PLCL1: variants seen among roughly 807,000 people sequenced by gnomAD.
PLCL1 encodes phospholipase C like 1 (inactive).
A neutral mutation model predicts 84.4 loss-of-function variants in PLCL1; 41 were observed. The observed-to-expected ratio is 0.49, with a 90% confidence interval of 0.38 to 0.63. The LOEUF is 0.63. Ranked by LOEUF, PLCL1 falls within the 30% of genes least tolerant of loss-of-function variation. PLCL1 has a pLI of 0.00. For synonymous variants in PLCL1, 490 were observed against 488.3 expected (o/e 1.00, Z -0.05); for missense variants, 1,206 against 1,367.8 (o/e 0.88, Z 1.87).
intron 1 of PLCL1, among the ~76,000 whole-genome samples, chr2:197,860,391 C>G (rs1388097003): frequency 6.6e-6 from 1 of 151,978 alleles, no homozygotes; most frequent in Non-Finnish European, 1.5e-5. Flanking sequence ...GGGTATATAC[C>G]TAGTAATGGG....
At chr2:197,811,579 A>G (rs930363004) in intron 1 of PLCL1, among the ~76,000 whole-genome samples, 3 of 152,222 alleles carry the variant, frequency 2.0e-5, no homozygotes, top group African/African-American at 7.2e-5. Flanking sequence ...AATAAAATCT[A>G]TCAAGGCAAA....
intron 5 of PLCL1, among the ~76,000 whole-genome samples, chr2:198,143,947 G>T (rs554405035): frequency 4.6e-5 from 7 of 151,346 alleles, no homozygotes; most frequent in African/African-American, 1.7e-4. Flanking sequence ...TGTCTCCAGG[G>T]TTATCAGGAG....
chr2:197,940,132 G>A (rs866715711), intron 1 of PLCL1, among the ~76,000 whole-genome samples: 2 of 151,978 alleles, frequency 1.3e-5, no homozygotes, highest in Non-Finnish European at 2.9e-5. Context: ...TTTAATAAAT[G>A]CAAGTTATTT....
chr2:197,813,423 C>G (rs780972947), intron 1 of PLCL1, among the ~76,000 whole-genome samples: 4 of 152,104 alleles, frequency 2.6e-5, no homozygotes, highest in Non-Finnish European at 4.4e-5. Flanking sequence ...ATAAAAGATG[C>G]AAAGTCATCT....
chr2:198,008,380 A>T (rs1690782876), intron 1 of PLCL1, among the ~76,000 whole-genome samples: 1 of 151,930 alleles, frequency 6.6e-6, no homozygotes, highest in Admixed American at 6.6e-5. Context: ...TTCTCCTCAG[A>T]CCCTGGAAAT....
chr2:198,085,037 T>C lies in PLCL1; in HGVS notation c.1520T>C (p.Met507Thr), dbSNP rs1252225908. 1 of 1,613,994 alleles carries C rather than the reference T, an allele frequency of 6.2e-7. No individual in the cohort carries two copies. Among genetic ancestry groups the C allele is most frequent in the Admixed American group, 1.7e-5 (1 of 59,990 alleles). The change falls in exon 2 of 6, where the codon ATG (methionine) becomes ACG (threonine). Residue 507 changes from methionine (M) to threonine (T), a missense_variant. Physicochemically the swap from Met to Thr is moderately conservative, Grantham distance 81 (BLOSUM62 -1). Coordinates refer to ENST00000428675, the MANE Select transcript of PLCL1 (RefSeq NM_006226.4). The surrounding 1 kb of genome is among the most constrained non-coding windows in gnomAD (Gnocchi z 5.3). ...LPQQKVMAQQ[M>T]KKVFGNKLYT... Reference sequence around the variant, plus strand: ...CAGCAGAAGGTAATGGCTCAACAGATGAAAAAGGTCTTTGGCAATAAACTC... The same window carrying C: ...CAGCAGAAGGTAATGGCTCAACAGACGAAAAAGGTCTTTGGCAATAAACTC...
At chr2:198,042,782 C>T (rs528734787) in intron 1 of PLCL1, among the ~76,000 whole-genome samples, 1 of 152,260 alleles carries the variant, frequency 6.6e-6, no homozygotes, top group East Asian at 1.9e-4. Flanking sequence ...TGCCTATGAC[C>T]TTGGGCATGG....
At chr2:197,966,770 A>G (rs1026675578) in intron 1 of PLCL1, among the ~76,000 whole-genome samples, 5 of 150,988 alleles carry the variant, frequency 3.3e-5, no homozygotes, top group Admixed American at 2.0e-4. Context: ...TAGTTGTTCA[A>G]TTTGGTGTTC....
intron 1 of PLCL1, among the ~76,000 whole-genome samples, chr2:197,956,340 T>C (rs528031487): frequency 6.6e-6 from 1 of 152,298 alleles, no homozygotes; most frequent in South Asian, 2.1e-4. Context: ...TTTGGGTTGG[T>C]TCCATGTCTT....
intron 1 of PLCL1, among the ~76,000 whole-genome samples, chr2:198,075,183 G>A (rs763868904): frequency 1.3e-5 from 2 of 152,200 alleles, no homozygotes; most frequent in Non-Finnish European, 2.9e-5. Flanking sequence ...CTGTGCAGGG[G>A]TCTCCTGAGG....
chr2:197,885,031 T>A (rs561375449), intron 1 of PLCL1, among the ~76,000 whole-genome samples: 2 of 152,258 alleles, frequency 1.3e-5, no homozygotes, highest in African/African-American at 4.8e-5. Flanking sequence ...CATCTACCCC[T>A]TGTCCCCAGG....
chr2:197,921,826 C>A (rs970211897), intron 1 of PLCL1, among the ~76,000 whole-genome samples: 2 of 152,062 alleles, frequency 1.3e-5, no homozygotes, highest in African/African-American at 2.4e-5. Context: ...TTTTACAACT[C>A]TTTTACTGGG....
In PLCL1 at chr2:198,084,794, C is replaced by T. The variant is rs1692818678; in HGVS notation, c.1277C>T (p.Ala426Val). ...ATAGAAGACCAGTTCAGGGGGCCAGCTGACATCAATGGGTACATTAGAGCT... is the reference window on the plus strand; with the variant it reads ...ATAGAAGACCAGTTCAGGGGGCCAGTTGACATCAATGGGTACATTAGAGCT... ...YLIEDQFRGP[A>V]DINGYIRALK... Residue 426 changes from alanine to valine, a missense_variant, in exon 2 of 6, where the codon GCT becomes GTT. Transcript: ENST00000428675. The T allele has an allele frequency of 6.2e-7, 1 of 1,614,068 alleles. No homozygotes were observed. Among genetic ancestry groups the T allele is most frequent in the Middle Eastern group, 1.6e-4 (1 of 6,062 alleles).
chr2:197,858,448 G>A lies in PLCL1; in HGVS notation c.240+53109G>A, dbSNP rs192120037. ...TCCATTCTGATTTTTCCTCTATCGC[G>A]TTCTCCCTTATGCGGGGTGGTACTG... is the stretch of plus-strand genomic sequence containing the variant. On this transcript the variant is annotated intron_variant, in intron 1 of 5. Coordinates refer to ENST00000428675, the MANE Select transcript of PLCL1 (RefSeq NM_006226.4). Among the ~76,000 whole-genome samples, 8 of 152,136 alleles carry A rather than the reference G, an allele frequency of 5.3e-5. 1 individual carries two copies. Among genetic ancestry groups the A allele is most frequent in the South Asian group, 4.1e-4 (2 of 4,822 alleles).
intron 1 of PLCL1, among the ~76,000 whole-genome samples, chr2:197,929,432 G>C (rs947719689): frequency 6.6e-6 from 1 of 152,170 alleles, no homozygotes; most frequent in East Asian, 1.9e-4. Context: ...GGGCAGGAAG[G>C]CTCCTGCTCT....
intron 1 of PLCL1, among the ~76,000 whole-genome samples, chr2:198,028,154 C>T (rs747067535): frequency 3.9e-5 from 6 of 152,102 alleles, no homozygotes; most frequent in Non-Finnish European, 7.3e-5. Context: ...AACTTTGAAT[C>T]ATTTTTACAG....
chr2:197,953,255 T>A (rs1383754538), intron 1 of PLCL1, among the ~76,000 whole-genome samples: 1 of 152,096 alleles, frequency 6.6e-6, no homozygotes, highest in Non-Finnish European at 1.5e-5. Flanking sequence ...TTCCGTACCA[T>A]TCTAATAAAC....
intron 1 of PLCL1, among the ~76,000 whole-genome samples, chr2:198,044,540 A>G (rs374489424): frequency 6.6e-6 from 1 of 152,352 alleles, no homozygotes; most frequent in African/African-American, 2.4e-5. Flanking sequence ...ATTTTAATGT[A>G]TATGTTATAG....
rs1345758724 is a variant in PLCL1, at chr2:198,084,197, A to T, written c.680A>T (p.Gln227Leu). The T allele has an allele frequency of 6.2e-7, 1 of 1,614,158 alleles. No homozygotes were observed. The highest frequency in any genetic ancestry group is 8.5e-7 in the Non-Finnish European group (1 of 1,180,012). The change falls in exon 2 of 6, where the codon CAG (glutamine) becomes CTG (leucine). Residue 227 changes from glutamine (Q) to leucine (L), a missense_variant. Physicochemically the swap from Gln to Leu is moderately radical, Grantham distance 113. Transcript: ENST00000428675. The stretch of plus-strand genomic sequence containing the variant: ...CGGTACCTGGTTTCTCGAAGTAAGC[A>T]GCCTCTTGATTTTATGGAGGGCAAC... ...GLRYLVSRSK[Q>L]PLDFMEGNQN...
Sources: gnomAD v4.1 joint callset for allele counts (sites outside exome capture counted in the v4.1 genomes callset) on GRCh38, gnomAD v4.1.1 for gene constraint, Gnocchi (gnomAD v3.1) non-coding constraint, MANE v1.5 for transcripts, NCBI Gene and HGNC (gene_info 2026-07-23, HGNC 2026-07-21) for gene names.